SLC30A6: variants seen among roughly 807,000 people sequenced by gnomAD.
The protein encoded by SLC30A6 is zinc transporter 6.
Under a neutral mutation model 63.0 loss-of-function variants are expected in SLC30A6, and 55 were observed. That is an observed-to-expected ratio of 0.87 (90% CI 0.70 to 1.09). The LOEUF (loss-of-function observed/expected upper bound fraction) is 1.09. SLC30A6 is among the 50% of genes least tolerant of loss of function. The pLI is 0.00. For synonymous variants in SLC30A6, 224 were observed against 186.1 expected, an observed-to-expected ratio of 1.20 and a Z score of -1.66; for missense variants, 587 against 549.2, an observed-to-expected ratio of 1.07 and a Z score of -0.69.
chr2:32,190,322 G>A (rs1683213451), intron 5 of SLC30A6, among the ~76,000 whole-genome samples: 1 of 152,010 alleles, frequency 6.6e-6, no homozygotes, highest in African/African-American at 2.4e-5. Context: ...AGCCACACAT[G>A]GTGGTGGGTG....
intron 10 of SLC30A6, chr2:32,201,858 A>G: frequency 6.9e-7 from 1 of 1,440,288 alleles, no homozygotes; most frequent in Non-Finnish European, 9.6e-7. Flanking sequence ...AAACAAGAGA[A>G]AATGGTGTTA....
chr2:32,203,967 A>T (rs1280618420), intron 10 of SLC30A6: 4 of 755,708 alleles, frequency 5.3e-6, no homozygotes, highest in African/African-American at 1.7e-5. Flanking sequence ...ATAGAAATCG[A>T]TCAAGAAGTG....
At chr2:32,183,636 C>T (rs1183589564) in intron 4 of SLC30A6, among the ~76,000 whole-genome samples, 2 of 146,312 alleles carry the variant, frequency 1.4e-5, no homozygotes, top group Non-Finnish European at 3.0e-5. Flanking sequence ...TTCAGTGAGC[C>T]GAGATGGCAC....
Position 32,175,302 on chromosome 2 carries a change from T to A in SLC30A6, c.176-17T>A. ...GGGGTCAGTAATACTTTTAATCATTTTTTTGTTGTTTTGCAGCTTTAACTG... is the reference window on the plus strand; with the variant it reads ...GGGGTCAGTAATACTTTTAATCATTATTTTGTTGTTTTGCAGCTTTAACTG... On this transcript the variant is annotated splice_polypyrimidine_tract_variant and intron_variant, in intron 3 of 13. Coordinates refer to ENST00000282587, the MANE Select transcript of SLC30A6 (RefSeq NM_017964.5). 2 of 1,609,268 alleles carry A rather than the reference T, an allele frequency of 1.2e-6. No homozygotes were observed. The highest frequency in any genetic ancestry group is 2.2e-5 in the South Asian group (2 of 90,384).
chr2:32,197,655 A>G, intron 9 of SLC30A6, 52 bp from the exon 10 acceptor site: 1 of 1,609,288 alleles, frequency 6.2e-7, no homozygotes, highest in Non-Finnish European at 8.5e-7. Context: ...GGTTGTCACC[A>G]GTTTTATGTG....
intron 5 of SLC30A6, among the ~76,000 whole-genome samples, chr2:32,189,964 G>C (rs1425670549): frequency 6.6e-6 from 1 of 152,002 alleles, no homozygotes; most frequent in African/African-American, 2.4e-5. Context: ...GTGGTTTTAA[G>C]TTATTTTCCT....
chr2:32,171,192 G>A, intron 1 of SLC30A6, 95 bp from the exon 2 acceptor site: 1 of 918,386 alleles, frequency 1.1e-6, no homozygotes, highest in Non-Finnish European at 1.7e-6. Context: ...AATAAATATT[G>A]GTTATTTATA....
At chr2:32,200,434 T>G (rs1412253309) in intron 10 of SLC30A6, among the ~76,000 whole-genome samples, 4 of 151,678 alleles carry the variant, frequency 2.6e-5, no homozygotes. Flanking sequence ...GGGGAAAAGA[T>G]TGAGAAATCG....
chr2:32,212,615 A>T (rs1184190978), intron 13 of SLC30A6, among the ~76,000 whole-genome samples: 17 of 78,566 alleles, frequency 2.2e-4, no homozygotes, highest in African/African-American at 6.9e-4. Context: ...TTTTTTTGAG[A>T]CAGGGTCTCA....
intron 11 of SLC30A6, among the ~76,000 whole-genome samples, chr2:32,206,454 G>T (rs1431769768): frequency 2.0e-5 from 3 of 148,634 alleles, no homozygotes; most frequent in Admixed American, 1.3e-4. Flanking sequence ...AAAAAAAAAG[G>T]CAGTTTCCCA....
At chr2:32,197,491 A>G (rs1472386155) in intron 9 of SLC30A6, 99 bp downstream of exon 9, 3 of 1,292,946 alleles carry the variant, frequency 2.3e-6, no homozygotes, top group Non-Finnish European at 3.3e-6. Flanking sequence ...TGAGGTTACT[A>G]CGTGAATCAC....
In SLC30A6 at chr2:32,166,420, C is replaced by G. The variant is rs545071798; in HGVS notation, c.3+517C>G. 5.9e-5 allele frequency among the ~76,000 whole-genome samples: 9 copies of G among 152,268 alleles called. No homozygotes were observed. The East Asian group carries it at 1.5e-3, about 26-fold the overall frequency. On this transcript the variant is annotated intron_variant, in intron 1 of 13. Transcript: ENST00000282587. ...GCAGCAAATTTCATAAGCGCAGTAA[C>G]TACAGAAAGTCAAGGTGTTGGTAGG...
chr2:32,203,801 A>G (rs766560137), intron 10 of SLC30A6: 39 of 1,477,348 alleles, frequency 2.6e-5, no homozygotes, highest in Non-Finnish European at 3.5e-5. Context: ...GAAGAATATT[A>G]TGATAGAAAC....
chr2:32,183,147 A>G (rs966003173), intron 4 of SLC30A6, among the ~76,000 whole-genome samples: 8 of 152,016 alleles, frequency 5.3e-5, no homozygotes, highest in African/African-American at 1.9e-4. Context: ...AGATCGCGCC[A>G]TTGCACTCCA....
intron 13 of SLC30A6, among the ~76,000 whole-genome samples, chr2:32,218,288 C>A (rs1025579204): frequency 6.6e-6 from 1 of 152,070 alleles, no homozygotes; most frequent in African/African-American, 2.4e-5. Context: ...ACCAAAAAAA[C>A]CCATAATTTA....
At chr2:32,211,172 C>G (rs1685225417) in intron 13 of SLC30A6, among the ~76,000 whole-genome samples, 1 of 152,332 alleles carries the variant, frequency 6.6e-6, no homozygotes, top group South Asian at 2.1e-4. Flanking sequence ...GACTGTACAC[C>G]ATGGCTTTGG....
chr2:32,193,126 T>G (rs909212946), intron 7 of SLC30A6, among the ~76,000 whole-genome samples, 173 bp downstream of exon 7: 4 of 152,172 alleles, frequency 2.6e-5, no homozygotes, highest in Non-Finnish European at 5.9e-5. Context: ...CTCTTAACAG[T>G]TCCCAAGTTC....
chr2:32,187,293 T>A (rs1239984033), intron 5 of SLC30A6: 2 of 467,834 alleles, frequency 4.3e-6, no homozygotes, highest in Non-Finnish European at 8.8e-6. Flanking sequence ...ACTGTTAAAA[T>A]AATATTTATG....
chr2:32,174,135 A>G lies in SLC30A6; in HGVS notation c.163A>G (p.Thr55Ala). Residue 55 changes from threonine (T) to alanine (A), a missense_variant, in exon 3 of 14, where the codon ACT (threonine) becomes GCT (alanine). Thr to Ala is a moderately conservative substitution (Grantham distance 58, BLOSUM62 0). Transcript: ENST00000282587. Reference sequence around the variant, plus strand: ...CTTCCTGCTTATGTGGTGCAGTTCTACTAATAGTATAGGTATGTCACCTTT... The same window carrying G: ...CTTCCTGCTTATGTGGTGCAGTTCTGCTAATAGTATAGGTATGTCACCTTT... ...TGFLLMWCSS[T>A]NSIALTAYTY... The G allele has an allele frequency of 5.0e-6, 8 of 1,612,822 alleles. No individual in the cohort carries two copies. Among genetic ancestry groups the G allele is most frequent in the Non-Finnish European group, 5.9e-6 (7 of 1,179,098 alleles).
Sources: gnomAD v4.1 joint callset for allele counts (sites outside exome capture counted in the v4.1 genomes callset) on GRCh38, gnomAD v4.1.1 for gene constraint, MANE v1.5 for transcripts, NCBI Gene and HGNC (gene_info 2026-07-23, HGNC 2026-07-21) for gene names.